The following TASOR2 variants were observed in gnomAD, a reference collection of about 807,000 sequenced individuals.
TASOR2 encodes protein TASOR 2.
Under a neutral mutation model 199.5 loss-of-function variants are expected in TASOR2, and 84 were observed. That is an observed-to-expected ratio of 0.42 (90% CI 0.35 to 0.50). TASOR2 has a LOEUF of 0.50. TASOR2 is among the 20% of genes least tolerant of loss of function. The pLI, the probability that TASOR2 is intolerant of heterozygous loss-of-function variation, is 0.02. For synonymous variants in TASOR2, 1,103 were observed against 1,046.6 expected (o/e 1.05, Z -1.04); for missense variants, 2,796 against 2,835.9 (o/e 0.99, Z 0.32).
chr10:5,731,379 T>G (rs1834789892), intron 11 of TASOR2, among the ~76,000 whole-genome samples, 176 bp downstream of exon 12: 1 of 152,028 alleles, frequency 6.6e-6, no homozygotes, highest in Admixed American at 6.6e-5. Context: ...AAATACAAAA[T>G]TAGTTGGGTG....
In TASOR2 at chr10:5,727,134, A is replaced by G. The variant is rs1477378553; in HGVS notation, c.487+11A>G. ...CACCCCTGTCAACAGGTGAGGATAC[A>G]ATGGTTTCCAGCTCACTCTGTCTGT... On this transcript the variant is annotated intron_variant, in intron 10 of 20. Coordinates refer to ENST00000328090, the Ensembl canonical transcript of TASOR2. 6.2e-7 allele frequency: 1 copy of G among 1,613,922 alleles called. No individual in the cohort carries two copies. The highest frequency in any genetic ancestry group is 2.2e-5 in the East Asian group (1 of 44,870).
chr10:5,728,174 C>T (rs537282335), intron 10 of TASOR2, among the ~76,000 whole-genome samples: 8 of 148,766 alleles, frequency 5.4e-5, no homozygotes, highest in Admixed American at 4.0e-4. Context: ...CGAGCCAAGA[C>T]TGTGTCACTG....
intron 10 of TASOR2, among the ~76,000 whole-genome samples, chr10:5,728,924 T>A (rs76089357): frequency 0.17 from 25,836 of 150,154 alleles, 2,465 homozygotes; most frequent in Admixed American, 0.23. Flanking sequence ...ATTTTATTTT[T>A]GTTTTTTAGT....
chr10:5,758,642 A>T (rs1433384333), intron 17 of TASOR2, among the ~76,000 whole-genome samples: 1 of 152,228 alleles, frequency 6.6e-6, no homozygotes, highest in African/African-American at 2.4e-5. Flanking sequence ...GTTGCTGGTG[A>T]CCACTCCACT....
rs1054518182 is a variant in TASOR2, at chr10:5,754,635, GAT to G, written c.6607-1975_6607-1974del. On this transcript the variant is annotated intron_variant, in intron 15 of 20. Coordinates refer to ENST00000328090, the Ensembl canonical transcript of TASOR2. The surrounding 1 kb of genome is among the most constrained non-coding windows in gnomAD (Gnocchi z 4.3). ...GAACTCCATAGCAGGAGTTCTTCTA[GAT>G]ATCTTGCTTGTTTCTATAGTGAATG... Among the ~76,000 whole-genome samples the G allele has an allele frequency of 6.6e-6, 1 of 152,016 alleles. No homozygotes were observed. Among genetic ancestry groups the G allele is most frequent in the African/African-American group, 2.4e-5 (1 of 41,390 alleles).
In TASOR2 at chr10:5,742,807, T is replaced by G. The variant is rs1836626608; in HGVS notation, c.2757+281T>G. ...CCAGCATAATTTGGGGCAAATTGCT[T>G]CTTTGCCTAATTTTTAAAAGAGGTG... On this transcript the variant is annotated intron_variant, in intron 14 of 20. Coordinates refer to ENST00000328090, the Ensembl canonical transcript of TASOR2. This position sits in a 1 kb window ranked among gnomAD's most constrained non-coding sequence, Gnocchi z 4.2. Among the ~76,000 whole-genome samples, 1 of 152,210 alleles carries G rather than the reference T, an allele frequency of 6.6e-6. No individual in the cohort carries two copies. The highest frequency in any genetic ancestry group is 2.4e-5 in the African/African-American group (1 of 41,446).
At chr10:5,702,214 G>A (rs1381988283) in intron 1 of TASOR2, among the ~76,000 whole-genome samples, 1 of 152,150 alleles carries the variant, frequency 6.6e-6, no homozygotes, top group Admixed American at 6.5e-5. Context: ...ATCTGTTGAA[G>A]TAATCATGGT....
intron 18 of TASOR2, among the ~76,000 whole-genome samples, chr10:5,760,322 G>A (rs1019164312): frequency 3.3e-5 from 5 of 152,110 alleles, no homozygotes; most frequent in South Asian, 2.1e-4. Context: ...GTACATGCCC[G>A]TACTCACTGC....
At chr10:5,756,867 G>A (rs1026303167) in intron 16 of TASOR2, 129 bp downstream of exon 17, 18 of 949,608 alleles carry the variant, frequency 1.9e-5, no homozygotes, top group Non-Finnish European at 2.6e-5. Flanking sequence ...CTTTAAGTGG[G>A]AAGATGGTGT....
At position 5,749,819 on chromosome 10, in the gene TASOR2, A is replaced by C. The variant is rs368595116; in HGVS notation, c.6398A>C (p.Lys2133Thr). 1.2e-5 allele frequency: 19 copies of C among 1,614,058 alleles called. No homozygotes were observed. The African/African-American group carries it at 2.1e-4, about 18-fold the overall frequency. Residue 2133 changes from lysine (K) to threonine (T), a missense_variant, in exon 15 of 21, where the codon AAA (lysine) becomes ACA (threonine). This residue lies in a region of TASOR2 where 1,941 missense variants were observed against 1,924.9 expected (regional missense o/e 1.01). Coordinates refer to ENST00000328090, the Ensembl canonical transcript of TASOR2. ...AGCAACCAATTCATTTTCCAAGACA[A>C]AGAGCTAAATGATGTTTCTGGAGAA...
chr10:5,686,012 G>A (rs1283822445), intron 1 of TASOR2, among the ~76,000 whole-genome samples: 1 of 152,170 alleles, frequency 6.6e-6, no homozygotes, highest in Non-Finnish European at 1.5e-5. Flanking sequence ...GGTGAGCCTG[G>A]CGGTAATCCT....
At chr10:5,757,495 C>T (rs1006201758) in intron 16 of TASOR2, 25 bp from the exon 18 acceptor site, 1 of 1,581,002 alleles carries the variant, frequency 6.3e-7, no homozygotes, top group Non-Finnish European at 8.6e-7. Context: ...CCTCTCTTCA[C>T]CGGGGTCCTT....
intron 12 of TASOR2, among the ~76,000 whole-genome samples, chr10:5,736,796 G>A (rs1835668734): frequency 2.6e-5 from 4 of 151,826 alleles, no homozygotes; most frequent in Admixed American, 1.3e-4. Flanking sequence ...TTTTTGTGGT[G>A]TGTGTGTATT....
At chr10:5,693,573 TAAAA>T (rs997044444) in intron 1 of TASOR2, among the ~76,000 whole-genome samples, 18 of 152,212 alleles carry the variant, frequency 1.2e-4, no homozygotes, top group African/African-American at 4.3e-4. Flanking sequence ...TTTCTTCATT[TAAAA>T]AAAACCTGTA....
chr10:5,761,805 G>A lies in TASOR2; in HGVS notation c.7174+334G>A, dbSNP rs1316995023. On this transcript the variant is annotated intron_variant, in intron 19 of 20. Transcript: ENST00000328090. ...TCCCAGCACTTTGGGAGGCCGAGGC[G>A]GGCGGATCACTTGAGGTCAGGAGTT... 14 of 169,242 alleles carry A rather than the reference G, an allele frequency of 8.3e-5. No individual in the cohort carries two copies. The South Asian group carries it at 9.7e-4, about 12-fold the overall frequency. 10.5% of individuals were successfully genotyped at this position (169,242 alleles called of 1,614,324 possible). A position where few individuals can be genotyped will look rare whatever the true frequency, so the allele number is the denominator to read the frequency against.
intron 15 of TASOR2, among the ~76,000 whole-genome samples, chr10:5,755,747 G>A (rs1163674791): frequency 3.3e-5 from 5 of 152,124 alleles, no homozygotes; most frequent in Non-Finnish European, 7.4e-5. Context: ...TACTTTGGGA[G>A]GCTGAGGTAA....
chr10:5,731,693 A>G (rs1250150263), intron 11 of TASOR2, among the ~76,000 whole-genome samples: 1 of 152,168 alleles, frequency 6.6e-6, no homozygotes, highest in East Asian at 1.9e-4. Context: ...GCAACTGAAA[A>G]CCAAGAAATA....
Position 5,701,753 on chromosome 10 carries a change from T to A in TASOR2, c.-287-11070T>A, listed in dbSNP as rs1564260216. ...ATGGGATTGCTTTCTTGATTTCTTT[T>A]TCAGATTGCTTGCAGTTGGTGTATA... On this transcript the variant is annotated intron_variant, in intron 1 of 20. Transcript: ENST00000328090. This position sits in a 1 kb window ranked among gnomAD's most constrained non-coding sequence, Gnocchi z 4.9. Among the ~76,000 whole-genome samples, 1 of 152,168 alleles carries A rather than the reference T, an allele frequency of 6.6e-6. No individual in the cohort carries two copies. Among genetic ancestry groups the A allele is most frequent in the Non-Finnish European group, 1.5e-5 (1 of 68,006 alleles).
At chr10:5,757,007 A>T (rs1839058799) in intron 16 of TASOR2, among the ~76,000 whole-genome samples, 1 of 152,242 alleles carries the variant, frequency 6.6e-6, no homozygotes, top group Non-Finnish European at 1.5e-5. Flanking sequence ...GCATCACTTG[A>T]TGTCTAACAA....
Sources: gnomAD v4.1 joint callset for allele counts (sites outside exome capture counted in the v4.1 genomes callset) on GRCh38, gnomAD v4.1.1 for gene constraint, gnomAD v4.1.1 regional missense constraint, Gnocchi (gnomAD v3.1) non-coding constraint, MANE v1.5 for transcripts, NCBI Gene and HGNC (gene_info 2026-07-23, HGNC 2026-07-21) for gene names.